Variants in TRAPPC9 observed in about 807,000 individuals in gnomAD.
The protein encoded by TRAPPC9 is IKK2 binding protein.
In TRAPPC9, 83 loss-of-function variants were observed where a neutral mutation model predicts 124.0. The ratio of observed to expected loss-of-function variants is 0.67; its 90% confidence interval spans 0.56 to 0.80. The LOEUF is 0.80. TRAPPC9 is among the 30% of genes least tolerant of loss of function. The pLI is 0.00. For synonymous variants in TRAPPC9, 638 were observed against 617.5 expected, an observed-to-expected ratio of 1.03 and a Z score of -0.49; for missense variants, 1,302 against 1,508.3, an observed-to-expected ratio of 0.86 and a Z score of 2.27.
intron 3 of TRAPPC9, among the ~76,000 whole-genome samples, chr8:140,436,117 G>A (rs2070804189): frequency 6.6e-6 from 1 of 152,220 alleles, no homozygotes; most frequent in Non-Finnish European, 1.5e-5. Context: ...AAGCCAAGGT[G>A]GGTGGATCAC....
At chr8:140,217,500 A>G (rs1030750264) in intron 17 of TRAPPC9, among the ~76,000 whole-genome samples, 27 of 152,188 alleles carry the variant, frequency 1.8e-4, no homozygotes, top group Non-Finnish European at 5.9e-5. Flanking sequence ...AGGGGACACT[A>G]GTCAGGCTCC....
intron 17 of TRAPPC9, among the ~76,000 whole-genome samples, chr8:140,187,031 G>A (rs7842606): frequency 0.068 from 10,402 of 152,178 alleles, 851 homozygotes; most frequent in African/African-American, 0.2. Context: ...TACAGATTGC[G>A]TATCCCTTTT....
chr8:140,442,427 G>A (rs1017758919), intron 2 of TRAPPC9, among the ~76,000 whole-genome samples: 2 of 151,336 alleles, frequency 1.3e-5, no homozygotes, highest in African/African-American at 2.4e-5. Context: ...GCAAAACCCC[G>A]TGTCTACTGA....
upstream of TRAPPC9, among the ~76,000 whole-genome samples, chr8:140,458,087 TGGAGGAG>T (rs1308768803): frequency 4.5e-4 from 8 of 17,730 alleles, no homozygotes; most frequent in East Asian, 0.011. Flanking sequence ...AGGGAGAGGG[TGGAGGAG>T]GGAGGAGGGA....
chr8:140,356,313 G>C (rs560376778), intron 9 of TRAPPC9, among the ~76,000 whole-genome samples: 1 of 152,216 alleles, frequency 6.6e-6, no homozygotes, highest in Non-Finnish European at 1.5e-5. Context: ...GAGCACGTGG[G>C]GCTGGGAAAC....
intron 17 of TRAPPC9, among the ~76,000 whole-genome samples, chr8:140,148,861 C>A (rs1055830065): frequency 1.3e-5 from 2 of 152,150 alleles, no homozygotes; most frequent in Non-Finnish European, 2.9e-5. Context: ...TTCTTGGGTT[C>A]AGTTTTTCTA....
intron 19 of TRAPPC9, among the ~76,000 whole-genome samples, chr8:139,953,241 C>T (rs1318570085): frequency 6.6e-6 from 1 of 152,228 alleles, no homozygotes; most frequent in Non-Finnish European, 1.5e-5. Context: ...CCTGTAATCC[C>T]AGCACTTTGG....
intron 17 of TRAPPC9, among the ~76,000 whole-genome samples, chr8:140,062,413 C>T (rs1327061824): frequency 1.3e-5 from 2 of 152,188 alleles, no homozygotes; most frequent in Non-Finnish European, 2.9e-5. Context: ...CCAGCTTCAC[C>T]TTCTATTTCT....
intron 17 of TRAPPC9, among the ~76,000 whole-genome samples, chr8:140,044,070 C>T (rs542455850): frequency 3.3e-5 from 5 of 152,148 alleles, no homozygotes; most frequent in South Asian, 4.2e-4. Flanking sequence ...GTCAGCCAGG[C>T]GCCTTCAAAC....
intron 17 of TRAPPC9, among the ~76,000 whole-genome samples, chr8:140,178,714 G>A (rs2062129082): frequency 6.6e-6 from 1 of 152,024 alleles, no homozygotes; most frequent in South Asian, 2.1e-4. Context: ...TTATTATAAT[G>A]TGATAAAATT....
chr8:140,273,040 A>G (rs1167230889), intron 15 of TRAPPC9, among the ~76,000 whole-genome samples: 1 of 152,206 alleles, frequency 6.6e-6, no homozygotes, highest in East Asian at 1.9e-4. Flanking sequence ...CAGTTAAATC[A>G]ATGAGATGTA....
chr8:139,905,849 C>T lies in TRAPPC9; in HGVS notation c.2964+4298G>A, dbSNP rs865875394. Among the ~76,000 whole-genome samples the T allele has an allele frequency of 1.2e-4, 18 of 152,124 alleles. No homozygotes were observed. The Middle Eastern group carries it at 0.02, about 172-fold the overall frequency. On this transcript the variant is annotated intron_variant, in intron 20 of 22. Coordinates refer to ENST00000438773, the MANE Select transcript of TRAPPC9 (RefSeq NM_001160372.4). ...GTGGCTCATGCCTGTAATACCAACA[C>T]TTTGGGAGGCCGAGGCGGGCGGATC...
At chr8:140,430,795 T>A (rs1047802022) in intron 4 of TRAPPC9, among the ~76,000 whole-genome samples, 1 of 151,938 alleles carries the variant, frequency 6.6e-6, no homozygotes, top group Non-Finnish European at 1.5e-5. Flanking sequence ...CGCGCCAACA[T>A]CCCAGGCTAA....
At position 139,907,239 on chromosome 8, in the gene TRAPPC9, C is replaced by T. The variant is rs920313511; in HGVS notation, c.2964+2908G>A. ...AGCTGCTTCATAGACAGGTGTGCAT[C>T]GACCCAGTGCAAGATCCCCAATTTC... On this transcript the variant is annotated intron_variant, in intron 20 of 22. Transcript: ENST00000438773. The surrounding 1 kb of genome is among the most constrained non-coding windows in gnomAD (Gnocchi z 4.7). Among the ~76,000 whole-genome samples the T allele has an allele frequency of 1.3e-5, 2 of 152,150 alleles. No individual in the cohort carries two copies. The highest frequency in any genetic ancestry group is 2.9e-5 in the Non-Finnish European group (2 of 68,028).
intron 17 of TRAPPC9, among the ~76,000 whole-genome samples, chr8:140,043,733 A>G (rs1841409951): frequency 6.6e-6 from 1 of 152,186 alleles, no homozygotes; most frequent in African/African-American, 2.4e-5. Context: ...TTCTAAGAAG[A>G]GCCCAGCTTC....
intron 9 of TRAPPC9, among the ~76,000 whole-genome samples, chr8:140,338,274 G>A (rs1005699570): frequency 6.6e-5 from 10 of 152,104 alleles, no homozygotes; most frequent in African/African-American, 2.2e-4. Context: ...TGGACCAGTG[G>A]GCAAAGGAGG....
At chr8:140,155,896 T>C (rs1431834642) in intron 17 of TRAPPC9, among the ~76,000 whole-genome samples, 1 of 152,306 alleles carries the variant, frequency 6.6e-6, no homozygotes, top group Non-Finnish European at 1.5e-5. Context: ...GAGCCACTAC[T>C]GACGATCAAG....
chr8:139,859,119 T>C (rs975920371), intron 21 of TRAPPC9, among the ~76,000 whole-genome samples: 2 of 151,586 alleles, frequency 1.3e-5, no homozygotes, highest in African/African-American at 4.9e-5. Context: ...TTCTCCAGGG[T>C]TACTCCTCCA....
At chr8:139,875,775 A>G (rs1829280274) in intron 21 of TRAPPC9, among the ~76,000 whole-genome samples, 1 of 152,128 alleles carries the variant, frequency 6.6e-6, no homozygotes, top group African/African-American at 2.4e-5. Context: ...CAACAAAACC[A>G]CCCAGTTCAC....
Sources: gnomAD v4.1 joint callset for allele counts (sites outside exome capture counted in the v4.1 genomes callset) on GRCh38, gnomAD v4.1.1 for gene constraint, Gnocchi (gnomAD v3.1) non-coding constraint, MANE v1.5 for transcripts, NCBI Gene and HGNC (gene_info 2026-07-23, HGNC 2026-07-21) for gene names.